The following GLT8D1 variants were observed in gnomAD, a reference collection of about 807,000 sequenced individuals.
GLT8D1 encodes the protein glycosyltransferase 8 domain containing 1.
A neutral mutation model predicts 46.2 loss-of-function variants in GLT8D1; 41 were observed. That is an observed-to-expected ratio of 0.89 (90% CI 0.69 to 1.15). The LOEUF is 1.15. Among genes scored for constraint, GLT8D1 ranks in the 50% most tolerant of loss-of-function variants. GLT8D1 has a pLI of 0.00. For missense variants in GLT8D1, 408 were observed against 449.3 expected, an observed-to-expected ratio of 0.91 and a Z score of 0.83; for synonymous variants, 150 against 154.2, an observed-to-expected ratio of 0.97 and a Z score of 0.20.
chr3:52,698,773 G>T (rs2097336625), intron 3 of GLT8D1, among the ~76,000 whole-genome samples: 1 of 150,380 alleles, frequency 6.6e-6, no homozygotes, highest in African/African-American at 2.4e-5. Context: ...ATGCATTCTT[G>T]CCTTTCATTT....
intron 1 of GLT8D1, among the ~76,000 whole-genome samples, chr3:52,702,171 T>A (rs2097339903): frequency 6.6e-6 from 1 of 152,222 alleles, no homozygotes; most frequent in Non-Finnish European, 1.5e-5. Flanking sequence ...AACTTCATCC[T>A]GGGAAAATTG....
At chr3:52,695,145 A>G in intron 9 of GLT8D1, 45 bp downstream of exon 9, 1 of 1,484,446 alleles carries the variant, frequency 6.7e-7, no homozygotes, top group Non-Finnish European at 9.4e-7. Flanking sequence ...AGTTCTTTAG[A>G]TACCAATTCT....
intron 9 of GLT8D1, 23 bp from the exon 10 acceptor site, chr3:52,695,058 C>G (rs773893377): frequency 1.3e-6 from 2 of 1,565,860 alleles, no homozygotes; most frequent in Non-Finnish European, 1.8e-6. Flanking sequence ...ACAAAAATAG[C>G]CACATCGTTG....
At chr3:52,699,684 T>C (rs1388436196) in intron 3 of GLT8D1, among the ~76,000 whole-genome samples, 1 of 152,184 alleles carries the variant, frequency 6.6e-6, no homozygotes, top group Non-Finnish European at 1.5e-5. Context: ...CATGCATTAC[T>C]TTATATGTAT....
rs142402196 is a variant in GLT8D1, at chr3:52,700,891, G to A, written c.-36-395C>T. Among the ~76,000 whole-genome samples the A allele has an allele frequency of 5.2e-3, 791 of 151,968 alleles. 9 individuals are homozygous for A. The highest frequency in any genetic ancestry group is 0.018 in the African/African-American group (755 of 41,374). Reference sequence around the variant, plus strand: ...AGCCTGGCCAAGATGGTGAAACCTCGTCTCTACTAAAAACTGCAAAAAAAT... The same window carrying A: ...AGCCTGGCCAAGATGGTGAAACCTCATCTCTACTAAAAACTGCAAAAAAAT... On this transcript the variant is annotated intron_variant, in intron 1 of 9. Transcript: ENST00000266014.
intron 1 of GLT8D1, chr3:52,701,236 GA>G (rs1380752001): frequency 6.7e-6 from 1 of 148,564 alleles, no homozygotes; most frequent in African/African-American, 2.5e-5. Context: ...TCAGAGAAAA[GA>G]ATATTATCCA....
chr3:52,700,509 A>T lies in GLT8D1; in HGVS notation c.-36-13T>A. 3 of 1,352,964 alleles carry T rather than the reference A, an allele frequency of 2.2e-6. No homozygotes were observed. The highest frequency in any genetic ancestry group is 3.1e-6 in the Non-Finnish European group (3 of 956,802). The allele number at this position is 1,352,964 out of a possible 1,614,324, so 83.8% of individuals were successfully genotyped here. On this transcript the variant is annotated splice_polypyrimidine_tract_variant and intron_variant, in intron 1 of 9. Transcript: ENST00000266014. ...TTAGTTTTTAACCCTACAAAACAAA[A>T]ACAAGCCCCCAAAGTCAGTAAGCAC... is the stretch of plus-strand genomic sequence containing the variant.
chr3:52,695,566 C>CAAGAT lies in GLT8D1; in HGVS notation c.662_666dup (p.Asp223IlefsTer14). 1 of 1,602,022 alleles carries CAAGAT rather than the reference C, an allele frequency of 6.2e-7. No homozygotes were observed. The highest frequency in any genetic ancestry group is 2.2e-5 in the East Asian group (1 of 44,828). ...TTACGAATTCTTTCCTTTTTATAGT[C>CAAGAT]AAGATAGCCAATGTAATTGTACTAA... On this transcript the variant is annotated frameshift_variant, in exon 8 of 10. Coordinates refer to ENST00000266014, the MANE Select transcript of GLT8D1 (RefSeq NM_018446.4). LOFTEE classifies it high-confidence loss of function.
In GLT8D1 at chr3:52,695,224, A is replaced by G. The variant is rs776741538; in HGVS notation, c.891T>C (p.Ser297=). The G allele has an allele frequency of 6.2e-7, 1 of 1,613,670 alleles. No individual in the cohort carries two copies. The highest frequency in any genetic ancestry group is 1.7e-5 in the Admixed American group (1 of 59,998). The part of the protein sequence containing the change: ...PLLIVFYQQH[S]TIDPMWNVRH... ...GGACATTCCACATAGGATCGATGGT[A>G]GAGTGCTGTTGATAAAATACGATAA... Residue 297 remains serine (S), a synonymous_variant, in exon 9 of 10, where the codon TCT becomes TCC. Transcript: ENST00000266014.
chr3:52,699,309 G>C (rs764836687), intron 3 of GLT8D1, among the ~76,000 whole-genome samples: 72 of 150,996 alleles, frequency 4.8e-4, no homozygotes, highest in South Asian at 1.3e-3. Context: ...TTCTTGAGAC[G>C]AAGACTCACT....
chr3:52,705,782 C>G lies in GLT8D1; in HGVS notation c.-372G>C, dbSNP rs1263123610. ...GTAACCGCTAGAGCGTCGCGCCAAGCAGGCGCCGCGGGGCAGCCCTGCCGC... is the reference window on the plus strand; with the variant it reads ...GTAACCGCTAGAGCGTCGCGCCAAGGAGGCGCCGCGGGGCAGCCCTGCCGC... On this transcript the variant is annotated 5_prime_UTR_variant, in exon 1 of 10. Transcript: ENST00000266014. 1.6e-6 allele frequency: 2 copies of G among 1,222,376 alleles called. No individual in the cohort carries two copies. Among genetic ancestry groups the G allele is most frequent in the African/African-American group, 1.6e-5 (1 of 62,792 alleles). 75.7% of individuals were successfully genotyped at this position (1,222,376 alleles called of 1,614,324 possible).
chr3:52,700,221 C>T (rs764897884), intron 3 of GLT8D1, 41 bp downstream of exon 3: 19 of 1,234,152 alleles, frequency 1.5e-5, no homozygotes, highest in Non-Finnish European at 1.9e-5. Context: ...ATACCAGGTC[C>T]GCAACAGATT....
chr3:52,695,102 G>A, intron 9 of GLT8D1, 67 bp from the exon 10 acceptor site: 4 of 1,456,484 alleles, frequency 2.7e-6, no homozygotes, highest in Non-Finnish European at 3.9e-6. Flanking sequence ...ACTTACTTAA[G>A]GGAAACAAAG....
chr3:52,702,519 C>A (rs2097340179), intron 1 of GLT8D1, among the ~76,000 whole-genome samples: 1 of 152,044 alleles, frequency 6.6e-6, no homozygotes, highest in African/African-American at 2.4e-5. Flanking sequence ...GCACTCCAGC[C>A]TGGGTGACAA....
chr3:52,699,693 A>G (rs1578591361), intron 3 of GLT8D1, among the ~76,000 whole-genome samples: 1 of 152,282 alleles, frequency 6.6e-6, no homozygotes. Flanking sequence ...CTTTATATGT[A>G]TCATACATAT....
intron 4 of GLT8D1, 109 bp downstream of exon 4, chr3:52,697,612 T>C: frequency 1.3e-6 from 1 of 791,324 alleles, no homozygotes; most frequent in East Asian, 2.4e-5. Flanking sequence ...ACTGGTACAA[T>C]TTCAATTGTA....
At chr3:52,704,149 T>C (rs12635140) in intron 1 of GLT8D1, among the ~76,000 whole-genome samples, 69,673 of 151,392 alleles carry the variant, frequency 0.46, 16,444 homozygotes, top group African/African-American at 0.54. Flanking sequence ...GATACAAAAC[T>C]GTGGATACAA....
At position 52,694,592 on chromosome 3, in the gene GLT8D1, C is replaced by G. The variant is rs2072292393; in HGVS notation, c.*253G>C. The G allele has an allele frequency of 1.0e-5, 6 of 598,710 alleles. No individual in the cohort carries two copies. The highest frequency in any genetic ancestry group is 8.9e-6 in the Non-Finnish European group (3 of 337,474). The allele number at this position is 598,710 out of a possible 1,614,324, so 37.1% of individuals were successfully genotyped here. A position where few individuals can be genotyped will look rare whatever the true frequency, so the allele number is the denominator to read the frequency against. ...TACCAGCTAGCTGAACTAGCCATAT[C>G]AGTTCTTCTTTCCAGTCATTCAGCA... is the stretch of plus-strand genomic sequence containing the variant. On this transcript the variant is annotated 3_prime_UTR_variant, in exon 10 of 10. Coordinates refer to ENST00000266014, the MANE Select transcript of GLT8D1 (RefSeq NM_018446.4).
At position 52,694,669 on chromosome 3, in the gene GLT8D1, T is replaced by C. The variant is rs1023411601; in HGVS notation, c.*176A>G. On this transcript the variant is annotated 3_prime_UTR_variant, in exon 10 of 10. Transcript: ENST00000266014. The stretch of plus-strand genomic sequence containing the variant: ...CAGATGGAGACATATTTATAGTCTA[T>C]AGTCTGTCTGGGAAGCTGACTGCCA... 1.1e-5 allele frequency: 7 copies of C among 656,478 alleles called. No homozygotes were observed. The highest frequency in any genetic ancestry group is 1.9e-5 in the Non-Finnish European group (7 of 361,620). The allele number at this position is 656,478 out of a possible 1,614,324, so 40.7% of individuals were successfully genotyped here. A position where few individuals can be genotyped will look rare whatever the true frequency, so the allele number is the denominator to read the frequency against.
Sources: gnomAD v4.1 joint callset for allele counts (sites outside exome capture counted in the v4.1 genomes callset) on GRCh38, gnomAD v4.1.1 for gene constraint, MANE v1.5 for transcripts, NCBI Gene and HGNC (gene_info 2026-07-23, HGNC 2026-07-21) for gene names.